Variants in CYP4V2 observed in about 807,000 individuals in gnomAD.
The protein encoded by CYP4V2 is cytochrome P450 family 4 subfamily V member 2, also known as cytochrome P450 4V2.
CYP4V2 carries 55 observed loss-of-function variants against 60.8 expected under a neutral mutation model. The ratio of observed to expected loss-of-function variants is 0.90; its 90% CI spans 0.73 to 1.13. The LOEUF (loss-of-function observed/expected upper bound fraction) is 1.13. Among genes scored for constraint, CYP4V2 ranks in the 50% most tolerant of loss-of-function variants. The probability of loss-of-function intolerance (pLI) is 0.00; values close to 1 mark genes in which losing one functional copy is unlikely to be tolerated. For missense variants in CYP4V2, 675 were observed against 662.9 expected (o/e 1.02, Z -0.20); for synonymous variants, 239 against 236.8 (o/e 1.01, Z -0.08).
intron 7 of CYP4V2, chr4:186,203,640 G>C (rs762401315): frequency 6.6e-6 from 1 of 152,204 alleles, no homozygotes. Context: ...TCAGGCTTCC[G>C]CTCATAAATT....
chr4:186,199,438 T>C (rs920350919), intron 6 of CYP4V2, among the ~76,000 whole-genome samples: 2 of 152,216 alleles, frequency 1.3e-5, no homozygotes, highest in Non-Finnish European at 2.9e-5. Flanking sequence ...ATGTTGGAAA[T>C]GTAGTAATGA....
rs1441450058 is a variant in CYP4V2, at chr4:186,195,119, A to G, written c.327+507A>G. Among the ~76,000 whole-genome samples, 3 of 152,224 alleles carry G rather than the reference A, an allele frequency of 2.0e-5. No individual in the cohort carries two copies. The highest frequency in any genetic ancestry group is 2.9e-5 in the Non-Finnish European group (2 of 68,040). On this transcript the variant is annotated intron_variant, in intron 2 of 10. Coordinates refer to ENST00000378802, the MANE Select transcript of CYP4V2 (RefSeq NM_207352.4). This position sits in a 1 kb window ranked among gnomAD's most constrained non-coding sequence, Gnocchi z 4.1. ...AGCTGTAGTCTTTTTACTTGTTGAA[A>G]GGTCTGGGGAAATCATCTTGTAGTA...
chr4:186,198,453 A>G (rs1157117948), intron 5 of CYP4V2, among the ~76,000 whole-genome samples: 5 of 152,344 alleles, frequency 3.3e-5, no homozygotes, highest in East Asian at 1.9e-4. Flanking sequence ...CTGGTCCTGC[A>G]GGAGATCACA....
In CYP4V2 at chr4:186,195,542, C is replaced by G. The variant is rs994752149; in HGVS notation, c.328-461C>G. On this transcript the variant is annotated intron_variant, in intron 2 of 10. Transcript: ENST00000378802. The surrounding 1 kb of genome is among the most constrained non-coding windows in gnomAD (Gnocchi z 4.1). ...CATTGCTGCCTCTATGCTGGGGACACTCCGAACAGGCATCTCCAGCTCAGG... is the reference window on the plus strand; with the variant it reads ...CATTGCTGCCTCTATGCTGGGGACAGTCCGAACAGGCATCTCCAGCTCAGG... Among the ~76,000 whole-genome samples, 2 of 152,206 alleles carry G rather than the reference C, an allele frequency of 1.3e-5. No individual in the cohort carries two copies. The highest frequency in any genetic ancestry group is 2.9e-5 in the Non-Finnish European group (2 of 68,040).
In CYP4V2 at chr4:186,191,708, G is replaced by T. The variant is rs929171098; in HGVS notation, c.-116G>T. The T allele has an allele frequency of 9.9e-7, 1 of 1,013,938 alleles. No individual in the cohort carries two copies. The highest frequency in any genetic ancestry group is 3.5e-5 in the East Asian group (1 of 28,538). 62.8% of individuals were successfully genotyped at this position (1,013,938 alleles called of 1,614,324 possible). On this transcript the variant is annotated 5_prime_UTR_variant, in exon 1 of 11. Transcript: ENST00000378802. Reference sequence around the variant, plus strand: ...CGGGGACCGGGCGACCCCGCAGCGGGGAGCGCGCCAGGTCCGCGCGGGGAA... The same window carrying T: ...CGGGGACCGGGCGACCCCGCAGCGGTGAGCGCGCCAGGTCCGCGCGGGGAA...
chr4:186,207,555 TAAAATATATA>T (rs1394415638), intron 8 of CYP4V2, among the ~76,000 whole-genome samples: 4 of 143,252 alleles, frequency 2.8e-5, no homozygotes, highest in South Asian at 2.3e-4. Context: ...TAAAATATAT[TAAAATATATA>T]AAAATATTAA....
intron 7 of CYP4V2, chr4:186,202,150 C>A (rs1019159611): frequency 1.3e-5 from 2 of 152,270 alleles, no homozygotes; most frequent in African/African-American, 4.8e-5. Context: ...AGGCTCTGTG[C>A]TGATTAGCCA....
chr4:186,198,474 T>C (rs1265959496), intron 5 of CYP4V2, among the ~76,000 whole-genome samples: 1 of 152,214 alleles, frequency 6.6e-6, no homozygotes, highest in East Asian at 1.9e-4. Flanking sequence ...TAGGGGTCTT[T>C]CTGCTCTATG....
rs1350102797 is a variant in CYP4V2 at position 186,213,130 on chromosome 4, T to C, written c.*2489T>C. Reference sequence around the variant, plus strand: ...TTAATGTTACCTTTTGGCTTGAGAATGTCTTTCAGCTCCAGAATTATTGTT... The same window carrying C: ...TTAATGTTACCTTTTGGCTTGAGAACGTCTTTCAGCTCCAGAATTATTGTT... On this transcript the variant is annotated 3_prime_UTR_variant, in exon 11 of 11. Transcript: ENST00000378802. 1.3e-5 allele frequency: 2 copies of C among 152,198 alleles called. No individual in the cohort carries two copies. The highest frequency in any genetic ancestry group is 4.8e-5 in the African/African-American group (2 of 41,474). The allele number at this position is 152,198 out of a possible 1,614,324, so 9.4% of individuals were successfully genotyped here.
chr4:186,210,399 C>T (rs892697553), intron 10 of CYP4V2, 70 bp from the exon 11 acceptor site: 31 of 1,602,594 alleles, frequency 1.9e-5, no homozygotes, highest in African/African-American at 6.7e-5. Flanking sequence ...CTTCCTATGA[C>T]AGGACCTCTT....
At chr4:186,208,616 G>C (rs1029572670) in intron 8 of CYP4V2, among the ~76,000 whole-genome samples, 1 of 151,456 alleles carries the variant, frequency 6.6e-6, no homozygotes, top group Admixed American at 6.6e-5. Flanking sequence ...CCCCTGCCTT[G>C]GTCCACGTGT....
rs970704626 is a variant in CYP4V2, at chr4:186,212,022, A to G, written c.*1381A>G. The G allele has an allele frequency of 1.3e-5, 2 of 152,134 alleles. No homozygotes were observed. Among genetic ancestry groups the G allele is most frequent in the Non-Finnish European group, 2.9e-5 (2 of 68,032 alleles). The allele number at this position is 152,134 out of a possible 1,614,324, so 9.4% of individuals were successfully genotyped here. A position where few individuals can be genotyped will look rare whatever the true frequency, so the allele number is the denominator to read the frequency against. On this transcript the variant is annotated 3_prime_UTR_variant, in exon 11 of 11. Coordinates refer to ENST00000378802, the MANE Select transcript of CYP4V2 (RefSeq NM_207352.4). ...AATCATGCCTTTTGGAGCTAGAAGG[A>G]CTTTAGAACTTATCTAGTTATGCTC...
intron 8 of CYP4V2, among the ~76,000 whole-genome samples, chr4:186,205,756 C>G (rs1175207447): frequency 1.3e-5 from 2 of 152,136 alleles, no homozygotes. Flanking sequence ...GCAAGCAGCC[C>G]GGAGGAAAAG....
In CYP4V2 at chr4:186,204,932, C is replaced by T. The variant is rs541537488; in HGVS notation, c.988-268C>T. On this transcript the variant is annotated intron_variant, in intron 7 of 10. Transcript: ENST00000378802. ...CGCAGCTCACCTCGTGCCCATGGAA[C>T]GCCGCCTTTATTAACACAGCACAGG... 224 of 496,830 alleles carry T rather than the reference C, an allele frequency of 4.5e-4. 1 individual carries two copies. Among genetic ancestry groups the T allele is most frequent in the South Asian group, 4.4e-3 (215 of 48,646 alleles). 30.8% of individuals were successfully genotyped at this position (496,830 alleles called of 1,614,324 possible). A position where few individuals can be genotyped will look rare whatever the true frequency, so the allele number is the denominator to read the frequency against.
chr4:186,208,800 T>C, intron 8 of CYP4V2, 65 bp from the exon 9 acceptor site: 1 of 1,610,296 alleles, frequency 6.2e-7, no homozygotes, highest in Non-Finnish European at 8.5e-7. Flanking sequence ...CCTGTTCTTT[T>C]TAGATGTCTG....
intron 2 of CYP4V2, 29 bp downstream of exon 2, chr4:186,194,641 G>T: frequency 6.4e-7 from 1 of 1,557,452 alleles, no homozygotes; most frequent in Non-Finnish European, 8.9e-7. Context: ...GATCAGTATT[G>T]TACTGTGTAT....
rs1736092378 is a variant in CYP4V2 at position 186,194,619 on chromosome 4, A to G, written c.327+7A>G. The G allele has an allele frequency of 2.5e-6, 4 of 1,602,720 alleles. No individual in the cohort carries two copies. Among genetic ancestry groups the G allele is most frequent in the Non-Finnish European group, 3.4e-6 (4 of 1,169,830 alleles). On this transcript the variant is annotated splice_region_variant and intron_variant, in intron 2 of 10. Transcript: ENST00000378802. ...TAATGCAGAAAATGTGGAGGTGGGT[A>G]CATGTGAATATGATCAGTATTGTAC...
Position 186,199,097 on chromosome 4 carries a change from T to C in CYP4V2, c.801+14T>C, listed in dbSNP as rs1736235319. On this transcript the variant is annotated intron_variant, in intron 6 of 10. Transcript: ENST00000378802. ...TTTACCAACAGTGTAAGTCCCTGAC[T>C]TTTACAATTGTGGTAAAATAGACAT... 1.2e-6 allele frequency: 2 copies of C among 1,611,726 alleles called. No homozygotes were observed. The highest frequency in any genetic ancestry group is 3.3e-5 in the Admixed American group (2 of 60,016).
Position 186,199,000 on chromosome 4 carries a change from T to C in CYP4V2, c.718T>C (p.Trp240Arg). ...IFRRIKMPWL[W>R]LDLWYLMFKE... is the part of the protein sequence containing the mutation. ...TCGAAGAATAAAGATGCCCTGGCTT[T>C]GGCTTGATCTCTGGTACCTTATGTT... is the stretch of plus-strand genomic sequence containing the variant. Residue 240 changes from tryptophan to arginine, a missense_variant, in exon 6 of 11, where the codon TGG (tryptophan) becomes CGG (arginine). Coordinates refer to ENST00000378802, the MANE Select transcript of CYP4V2 (RefSeq NM_207352.4). 1.2e-6 allele frequency: 2 copies of C among 1,614,164 alleles called. No homozygotes were observed. Among genetic ancestry groups the C allele is most frequent in the Non-Finnish European group, 1.7e-6 (2 of 1,179,994 alleles).
Sources: gnomAD v4.1 joint callset for allele counts (sites outside exome capture counted in the v4.1 genomes callset) on GRCh38, gnomAD v4.1.1 for gene constraint, Gnocchi (gnomAD v3.1) non-coding constraint, MANE v1.5 for transcripts, NCBI Gene and HGNC (gene_info 2026-07-23, HGNC 2026-07-21) for gene names.